FAAH2: variants seen among roughly 807,000 people sequenced by gnomAD.
The protein encoded by FAAH2 is fatty acid amide hydrolase 2.
In FAAH2, 60 loss-of-function variants were observed where a neutral mutation model predicts 36.9. The ratio of observed to expected loss-of-function variants is 1.63; its 90% confidence interval spans 1.32 to 2.02. The LOEUF (loss-of-function observed/expected upper bound fraction) is 2.02. Among genes scored for constraint, FAAH2 ranks in the 30% most tolerant of loss-of-function variants. The probability of loss-of-function intolerance (pLI) is 0.00; values close to 1 mark genes in which losing one functional copy is unlikely to be tolerated. For synonymous variants in FAAH2, 214 were observed against 143.8 expected, an observed-to-expected ratio of 1.49 and a Z score of -3.49; for missense variants, 689 against 397.5, an observed-to-expected ratio of 1.73 and a Z score of -6.23.
At chrX:57,228,035 C>T in the FAAH2 span, among the ~76,000 whole-genome samples, 9 of 111,889 alleles carry the variant, frequency 8.0e-5, no homozygotes, top group Non-Finnish European at 1.7e-4. Flanking sequence ...GGTGAAGGGC[C>T]AGTCAGGCTT....
At chrX:57,485,106 G>C (rs925791218) in intron 10 of FAAH2, among the ~76,000 whole-genome samples, 2 of 111,729 alleles carry the variant, frequency 1.8e-5, no homozygotes, top group Admixed American at 9.5e-5. Context: ...CATTGGGTAG[G>C]GCAAGTCCCC....
the FAAH2 span, among the ~76,000 whole-genome samples, chrX:57,268,871 A>G: frequency 8.9e-6 from 1 of 111,792 alleles, no homozygotes; most frequent in Non-Finnish European, 1.9e-5. Context: ...TGATGACAGG[A>G]TCAAATCCAC....
chrX:57,484,979 C>G (rs1276454232), intron 10 of FAAH2, among the ~76,000 whole-genome samples: 1 of 111,540 alleles, frequency 9.0e-6, no homozygotes, highest in Non-Finnish European at 1.9e-5. Flanking sequence ...GCAGACCAGT[C>G]AGGTGGTGGG....
chrX:57,439,113 ACCCAGT>A (rs1348854198), intron 8 of FAAH2, among the ~76,000 whole-genome samples: 2 of 110,702 alleles, frequency 1.8e-5, no homozygotes, highest in African/African-American at 6.6e-5. Context: ...TTGGGTATAT[ACCCAGT>A]AATGGGATGG....
chrX:57,488,749 T>C lies in FAAH2; in HGVS notation c.1424-8T>C. ...TGATTTCTCACTTATTTTGTTTGTT[T>C]TCTTCAGGTGTCTTCAGTGCCCTGG... On this transcript the variant is annotated splice_region_variant and splice_polypyrimidine_tract_variant and intron_variant, in intron 10 of 10. Transcript: ENST00000374900. 1.7e-6 allele frequency: 2 copies of C among 1,206,984 alleles called. No homozygotes were observed. Among genetic ancestry groups the C allele is most frequent in the South Asian group, 1.8e-5 (1 of 55,426 alleles).
chrX:57,320,353 GTGAAGGATA>G (rs762930943), intron 3 of FAAH2, among the ~76,000 whole-genome samples: 60 of 112,212 alleles, frequency 5.3e-4, no homozygotes, highest in African/African-American at 1.9e-3. Flanking sequence ...CAAAAAGTGG[GTGAAGGATA>G]TGAATAGACA....
intron 5 of FAAH2, among the ~76,000 whole-genome samples, chrX:57,366,932 C>T (rs1245187756): frequency 8.9e-6 from 1 of 111,926 alleles, no homozygotes; most frequent in Non-Finnish European, 1.9e-5. Flanking sequence ...GCAGCCATGG[C>T]TATGCTCCAC....
chrX:57,377,850 G>C (rs187119699), intron 5 of FAAH2, among the ~76,000 whole-genome samples: 1 of 111,705 alleles, frequency 9.0e-6, no homozygotes, highest in Non-Finnish European at 1.9e-5. Flanking sequence ...TCCTTGAAGA[G>C]GTCCTTCACA....
At chrX:57,263,799 A>C in the FAAH2 span, among the ~76,000 whole-genome samples, 1 of 111,885 alleles carries the variant, frequency 8.9e-6, no homozygotes, top group Admixed American at 9.6e-5. Flanking sequence ...ATTGTATTAC[A>C]TTATATTGCT....
At chrX:57,160,868 G>T in the FAAH2 span, among the ~76,000 whole-genome samples, 2 of 111,738 alleles carry the variant, frequency 1.8e-5, no homozygotes, top group Non-Finnish European at 3.8e-5. Flanking sequence ...CTTCAGTTCT[G>T]CTCTGATCTT....
intron 7 of FAAH2, among the ~76,000 whole-genome samples, chrX:57,419,826 T>G (rs1275698386): frequency 8.9e-6 from 1 of 112,060 alleles, no homozygotes; most frequent in Non-Finnish European, 1.9e-5. Flanking sequence ...TGCCTAGGTT[T>G]TCTTCTAGGG....
chrX:57,137,449 T>C, the FAAH2 span: 124 of 607,425 alleles, frequency 2.0e-4, 1 homozygote, highest in Non-Finnish European at 2.3e-4. Flanking sequence ...ACCTCCCTGT[T>C]GGTGGCGGCC....
At chrX:57,186,323 G>T in the FAAH2 span, among the ~76,000 whole-genome samples, 65 of 112,119 alleles carry the variant, frequency 5.8e-4, no homozygotes, top group Non-Finnish European at 7.5e-5. Flanking sequence ...ATGACCGGTG[G>T]TGATGAGCTT....
chrX:57,390,443 G>A (rs1426908888), intron 7 of FAAH2, among the ~76,000 whole-genome samples: 1 of 111,272 alleles, frequency 9.0e-6, no homozygotes, highest in African/African-American at 3.3e-5. Context: ...TGCAAACAGT[G>A]AACATTTTAT....
chrX:57,390,800 T>G (rs762302908), intron 7 of FAAH2, among the ~76,000 whole-genome samples: 1 of 111,264 alleles, frequency 9.0e-6, no homozygotes, highest in South Asian at 3.8e-4. Context: ...CAAGTTTAGG[T>G]GTCTTTTTGA....
At chrX:57,263,419 C>A in the FAAH2 span, among the ~76,000 whole-genome samples, 1 of 111,427 alleles carries the variant, frequency 9.0e-6, no homozygotes, top group South Asian at 3.7e-4. Context: ...CTGAAAACTA[C>A]ACAATGCTGA....
At chrX:57,441,269 C>A (rs2056548202) in intron 8 of FAAH2, among the ~76,000 whole-genome samples, 1 of 111,357 alleles carries the variant, frequency 9.0e-6, no homozygotes, top group South Asian at 3.8e-4. Flanking sequence ...ATTATTGCAT[C>A]AATTTCAGAA....
intron 5 of FAAH2, among the ~76,000 whole-genome samples, chrX:57,355,564 G>C (rs1222731520): frequency 2.7e-5 from 3 of 110,447 alleles, no homozygotes; most frequent in Non-Finnish European, 5.7e-5. Context: ...TTGTGAATGG[G>C]ATTGCTTTCT....
intron 7 of FAAH2, among the ~76,000 whole-genome samples, chrX:57,417,171 A>T (rs1367659001): frequency 9.0e-6 from 1 of 111,683 alleles, no homozygotes; most frequent in Non-Finnish European, 1.9e-5. Context: ...GGGTTAGAAC[A>T]TGCTCCTTTA....
Sources: gnomAD v4.1 joint callset for allele counts (sites outside exome capture counted in the v4.1 genomes callset) on GRCh38, gnomAD v4.1.1 for gene constraint, MANE v1.5 for transcripts, NCBI Gene and HGNC (gene_info 2026-07-23, HGNC 2026-07-21) for gene names.